CNGB3: variants seen among roughly 807,000 people sequenced by gnomAD.
The protein encoded by CNGB3 is cyclic nucleotide gated channel subunit beta 3.
In CNGB3, 86 loss-of-function variants were observed where a neutral mutation model predicts 92.8. That is an observed-to-expected ratio of 0.93 (90% CI 0.78 to 1.11). The LOEUF (loss-of-function observed/expected upper bound fraction) is 1.11, where lower values mean the gene tolerates loss of function less well. Ranked by LOEUF, CNGB3 falls within the 50% of genes least tolerant of loss-of-function variation. The pLI is 0.00. For missense variants in CNGB3, 1,026 were observed against 956.8 expected (o/e 1.07, Z -0.95); for synonymous variants, 333 against 332.7 (o/e 1.00, Z -0.01).
intron 14 of CNGB3, among the ~76,000 whole-genome samples, chr8:86,605,923 C>T (rs1822402996): frequency 6.6e-6 from 1 of 152,046 alleles, no homozygotes; most frequent in Non-Finnish European, 1.5e-5. Context: ...ATTTTATCTC[C>T]CCATTACTCT....
chr8:86,588,768 A>G (rs1216124955), intron 15 of CNGB3, among the ~76,000 whole-genome samples: 5 of 151,560 alleles, frequency 3.3e-5, no homozygotes, highest in Admixed American at 2.6e-4. Context: ...TTTTGCATCA[A>G]TGTTCATCAA....
chr8:86,743,570 T>C lies in CNGB3; in HGVS notation c.58A>G (p.Asn20Asp), dbSNP rs1336770386. 2 of 1,614,052 alleles carry C rather than the reference T, an allele frequency of 1.2e-6. No homozygotes were observed. The highest frequency in any genetic ancestry group is 1.7e-6 in the Non-Finnish European group (2 of 1,179,894). The change falls in exon 1 of 18, where the codon AAT (asparagine) becomes GAT (aspartate). Residue 20 changes from asparagine to aspartate, a missense_variant. Coordinates refer to ENST00000320005, the MANE Select transcript of CNGB3 (RefSeq NM_019098.5). ...KVKPIGENNENEQSSRRNEEG... is the reference protein window; with the variant it reads ...KVKPIGENNEDEQSSRRNEEG... ...TCATTCCGACGAGAACTTTGTTCAT[T>C]CTCATTGTTCTCTCCTATAGGCTTC...
At chr8:86,606,544 A>G (rs1822414705) in intron 14 of CNGB3, among the ~76,000 whole-genome samples, 1 of 152,234 alleles carries the variant, frequency 6.6e-6, no homozygotes, top group Admixed American at 6.5e-5. Context: ...CATACTATTA[A>G]TGCTAATAAC....
chr8:86,689,570 T>C (rs900856988), intron 3 of CNGB3, among the ~76,000 whole-genome samples: 5 of 151,726 alleles, frequency 3.3e-5, no homozygotes, highest in Admixed American at 6.6e-5. Flanking sequence ...TTATTTTTAT[T>C]TTTTATTATA....
At chr8:86,673,226 C>T (rs550686274) in intron 3 of CNGB3, among the ~76,000 whole-genome samples, 1 of 152,288 alleles carries the variant, frequency 6.6e-6, no homozygotes, top group South Asian at 2.1e-4. Flanking sequence ...AAGTACTTTG[C>T]TCCACACTGA....
intron 3 of CNGB3, among the ~76,000 whole-genome samples, chr8:86,671,917 T>C (rs1179101522): frequency 6.6e-6 from 1 of 152,212 alleles, no homozygotes; most frequent in Admixed American, 6.5e-5. Flanking sequence ...TTGAGCCCAC[T>C]CAGACTTCTG....
chr8:86,645,108 T>C (rs1400768738), intron 8 of CNGB3, among the ~76,000 whole-genome samples: 2 of 151,366 alleles, frequency 1.3e-5, no homozygotes, highest in Non-Finnish European at 3.0e-5. Context: ...AACACTAGCA[T>C]TATTTTTCAG....
At chr8:86,680,385 A>C (rs1407229984) in intron 3 of CNGB3, among the ~76,000 whole-genome samples, 1 of 152,200 alleles carries the variant, frequency 6.6e-6, no homozygotes, top group Non-Finnish European at 1.5e-5. Flanking sequence ...ACCATCATTC[A>C]AAACAGTCAC....
intron 3 of CNGB3, among the ~76,000 whole-genome samples, chr8:86,686,517 C>T (rs1477349772): frequency 6.6e-6 from 1 of 152,108 alleles, no homozygotes; most frequent in Non-Finnish European, 1.5e-5. Context: ...GTATTGCAGA[C>T]ACCCTATGGA....
At chr8:86,675,350 G>C (rs891029944) in intron 3 of CNGB3, among the ~76,000 whole-genome samples, 1 of 152,088 alleles carries the variant, frequency 6.6e-6, no homozygotes, top group African/African-American at 2.4e-5. Flanking sequence ...TGGGATTACT[G>C]TTGTGAGCCA....
At chr8:86,702,404 A>T (rs1208630598) in intron 3 of CNGB3, among the ~76,000 whole-genome samples, 1 of 152,238 alleles carries the variant, frequency 6.6e-6, no homozygotes, top group African/African-American at 2.4e-5. Flanking sequence ...ATTTTGTATT[A>T]ATACAGATAC....
chr8:86,666,320 A>G (rs2131614339), intron 6 of CNGB3, among the ~76,000 whole-genome samples: 1 of 152,336 alleles, frequency 6.6e-6, no homozygotes, highest in East Asian at 1.9e-4. Context: ...TAGTTTCAAC[A>G]TTTCAGACTT....
chr8:86,578,956 G>A (rs1554604797), intron 16 of CNGB3, 93 bp from the exon 17 acceptor site: 100 of 1,551,378 alleles, frequency 6.4e-5, no homozygotes, highest in Non-Finnish European at 6.0e-5. Context: ...AACCTGTGTA[G>A]TTTCAATGGG....
At chr8:86,703,979 G>A (rs1017500939) in intron 3 of CNGB3, 1 of 152,098 alleles carries the variant, frequency 6.6e-6, no homozygotes, top group African/African-American at 2.4e-5. Flanking sequence ...GCAAATTACA[G>A]TTGGCCCATA....
intron 15 of CNGB3, among the ~76,000 whole-genome samples, chr8:86,602,794 G>A (rs773562723): frequency 4.6e-5 from 7 of 152,164 alleles, no homozygotes; most frequent in East Asian, 1.9e-4. Flanking sequence ...TGTTGAAGTC[G>A]TCTTTTAAAA....
chr8:86,710,934 T>A (rs967894618), intron 3 of CNGB3, among the ~76,000 whole-genome samples: 2 of 152,202 alleles, frequency 1.3e-5, no homozygotes, highest in Non-Finnish European at 1.5e-5. Context: ...AATTACCTGG[T>A]TTGACAGTGA....
intron 2 of CNGB3, 36 bp downstream of exon 2, chr8:86,739,619 A>ATTT: frequency 7.2e-7 from 1 of 1,386,292 alleles, no homozygotes. Flanking sequence ...TTCACTTTTT[A>ATTT]GTTTTTTTTT....
rs542660238 is a variant in CNGB3, at chr8:86,662,408, C to T, written c.852+4517G>A. Among the ~76,000 whole-genome samples the T allele has an allele frequency of 4.6e-5, 7 of 152,228 alleles. No homozygotes were observed. In the South Asian group the frequency reaches 1.5e-3, roughly 32 times the overall value. ...TGTCCCTACTCTCAAGAAACTTATC[C>T]TCAGGTAAGAAAGAGAGATACATAG... On this transcript the variant is annotated intron_variant, in intron 6 of 17. Coordinates refer to ENST00000320005, the MANE Select transcript of CNGB3 (RefSeq NM_019098.5).
intron 11 of CNGB3, 43 bp from the exon 12 acceptor site, chr8:86,629,121 T>G: frequency 6.2e-7 from 1 of 1,609,884 alleles, no homozygotes; most frequent in Non-Finnish European, 8.5e-7. Context: ...GCAGAGGAAA[T>G]GAGTTAATAA....
Sources: allele counts gnomAD v4.1 joint callset (sites outside exome capture counted in the v4.1 genomes callset), GRCh38; gene constraint gnomAD v4.1.1; transcripts MANE v1.5; gene names NCBI Gene and HGNC (gene_info 2026-07-23, HGNC 2026-07-21).